The following SLC26A7 variants were observed in gnomAD, a reference collection of about 807,000 sequenced individuals.
SLC26A7 encodes solute carrier family 26 member 7, also known as anion exchange transporter.
SLC26A7 carries 59 observed loss-of-function variants against 82.5 expected under a neutral mutation model. The observed-to-expected ratio is 0.72, with a 90% CI of 0.58 to 0.89. The LOEUF (loss-of-function observed/expected upper bound fraction) is 0.89. Among genes scored for constraint, SLC26A7 ranks in the 40% least tolerant of loss-of-function variants. The pLI is 0.00. For synonymous variants in SLC26A7, 271 were observed against 274.3 expected, an observed-to-expected ratio of 0.99 and a Z score of 0.12; for missense variants, 820 against 793.0, an observed-to-expected ratio of 1.03 and a Z score of -0.41.
intron 3 of SLC26A7, among the ~76,000 whole-genome samples, chr8:91,293,860 C>T (rs961565267): frequency 6.6e-5 from 10 of 152,254 alleles, no homozygotes; most frequent in South Asian, 2.1e-4. Context: ...TTTGATCTCC[C>T]GAGCATCGTG....
At chr8:91,294,605 A>C (rs1811967021) in intron 3 of SLC26A7, among the ~76,000 whole-genome samples, 1 of 152,120 alleles carries the variant, frequency 6.6e-6, no homozygotes, top group Admixed American at 6.6e-5. Context: ...AATGAGAGCA[A>C]ATGTTTGCAC....
intron 4 of SLC26A7, among the ~76,000 whole-genome samples, chr8:91,313,857 C>G (rs962282499): frequency 6.6e-6 from 1 of 152,176 alleles, no homozygotes; most frequent in Non-Finnish European, 1.5e-5. Context: ...ACCTAAAATA[C>G]ATTCTATATT....
rs1808597128 is a variant in SLC26A7, at chr8:91,397,271, G to A, written c.*2174G>A. On this transcript the variant is annotated 3_prime_UTR_variant, in exon 19 of 19. Coordinates refer to ENST00000276609, the MANE Select transcript of SLC26A7 (RefSeq NM_052832.4). ...ACTGTTAACCTGGAGGAAGTCTCTG[G>A]TATGGAGTTCTGAGAGCTTAAGAGC... 6.6e-6 allele frequency: 1 copy of A among 152,024 alleles called. No homozygotes were observed. The highest frequency in any genetic ancestry group is 1.5e-5 in the Non-Finnish European group (1 of 67,926). 9.4% of individuals were successfully genotyped at this position (152,024 alleles called of 1,614,324 possible).
intron 2 of SLC26A7, among the ~76,000 whole-genome samples, chr8:91,222,562 A>T (rs973967637): frequency 6.6e-6 from 1 of 152,212 alleles, no homozygotes; most frequent in Non-Finnish European, 1.5e-5. Flanking sequence ...AATTTTTAAC[A>T]TGAAGGATAT....
chr8:91,337,526 G>A (rs934203596), intron 6 of SLC26A7, among the ~76,000 whole-genome samples: 1 of 152,130 alleles, frequency 6.6e-6, no homozygotes, highest in African/African-American at 2.4e-5. Context: ...CAGGGAACAT[G>A]TAACCTTGCT....
intron 2 of SLC26A7, among the ~76,000 whole-genome samples, chr8:91,240,614 T>A (rs1435129909): frequency 6.6e-6 from 1 of 152,168 alleles, no homozygotes; most frequent in African/African-American, 2.4e-5. Flanking sequence ...GGCATTCAAT[T>A]TGACTTCCTG....
At chr8:91,317,621 A>T (rs1393085707) in intron 4 of SLC26A7, among the ~76,000 whole-genome samples, 1 of 152,192 alleles carries the variant, frequency 6.6e-6, no homozygotes, top group African/African-American at 2.4e-5. Context: ...GTATGTTCCC[A>T]TTTCTCAGAA....
chr8:91,297,189 T>C (rs1197519361), intron 4 of SLC26A7, among the ~76,000 whole-genome samples: 1 of 152,106 alleles, frequency 6.6e-6, no homozygotes, highest in Non-Finnish European at 1.5e-5. Context: ...TAGTTTTAGG[T>C]TGTTTAATAG....
intron 11 of SLC26A7, among the ~76,000 whole-genome samples, chr8:91,360,968 CTG>C (rs2130868249): frequency 6.6e-6 from 1 of 152,212 alleles, no homozygotes; most frequent in East Asian, 1.9e-4. Context: ...AAATGACTGA[CTG>C]TGTGTTCACC....
intron 1 of SLC26A7, among the ~76,000 whole-genome samples, chr8:91,211,277 T>G (rs77935193): frequency 0.031 from 4,673 of 152,102 alleles, 200 homozygotes; most frequent in East Asian, 0.21. Context: ...TAATATCTAG[T>G]AAGTATATGA....
chr8:91,275,092 G>A (rs1811372427), intron 2 of SLC26A7, among the ~76,000 whole-genome samples: 1 of 151,730 alleles, frequency 6.6e-6, no homozygotes, highest in Non-Finnish European at 1.5e-5. Context: ...CATCTATCTG[G>A]TTAAAAAACA....
At chr8:91,303,535 TC>T (rs972296027) in intron 4 of SLC26A7, among the ~76,000 whole-genome samples, 2 of 152,228 alleles carry the variant, frequency 1.3e-5, no homozygotes, top group African/African-American at 4.8e-5. Context: ...GGTTTGAGTA[TC>T]TTTTAGTTAA....
At chr8:91,279,157 ATATATATATG>A (rs1252635916) in intron 2 of SLC26A7, among the ~76,000 whole-genome samples, 66 of 114,936 alleles carry the variant, frequency 5.7e-4, no homozygotes, top group African/African-American at 2.1e-3. Context: ...ATATATATAT[ATATATATATG>A]TATCACATTT....
intron 11 of SLC26A7, among the ~76,000 whole-genome samples, chr8:91,355,398 TTTTG>T (rs1253053279): frequency 6.6e-6 from 1 of 152,128 alleles, no homozygotes; most frequent in Non-Finnish European, 1.5e-5. Flanking sequence ...TCTCAGTGAA[TTTTG>T]TTTGTTTTTA....
chr8:91,220,427 G>T (rs1023286933), intron 2 of SLC26A7, among the ~76,000 whole-genome samples: 16 of 151,488 alleles, frequency 1.1e-4, no homozygotes, highest in African/African-American at 3.6e-4. Context: ...GACCATGCAG[G>T]TTTGTTACAT....
intron 15 of SLC26A7, among the ~76,000 whole-genome samples, chr8:91,373,464 G>A (rs964483257): frequency 2.6e-5 from 4 of 151,934 alleles, no homozygotes; most frequent in African/African-American, 4.8e-5. Context: ...TATTTTTTCT[G>A]AATTTATTAA....
At chr8:91,361,690 G>T (rs1814053516) in intron 11 of SLC26A7, among the ~76,000 whole-genome samples, 2 of 152,210 alleles carry the variant, frequency 1.3e-5, no homozygotes, top group Non-Finnish European at 2.9e-5. Flanking sequence ...GAACAAAACT[G>T]CAATAACTTT....
In SLC26A7 at chr8:91,393,841, C is replaced by T. The variant is rs146119989; in HGVS notation, c.1821C>T (p.Ala607=). The change falls in exon 17 of 19, where the codon GCC becomes GCT. Residue 607 remains alanine (A), a synonymous_variant. Coordinates refer to ENST00000276609, the MANE Select transcript of SLC26A7 (RefSeq NM_052832.4). ...CKGRSVDVLL[A]HCTASLIKAM... Reference sequence around the variant, plus strand: ...GCAGGAGTGTGGATGTATTGTTAGCCCATTGTACAGGTAAGAGAATGTCCC... The same window carrying T: ...GCAGGAGTGTGGATGTATTGTTAGCTCATTGTACAGGTAAGAGAATGTCCC... 8.4e-5 allele frequency: 136 copies of T among 1,613,558 alleles called. No homozygotes were observed. The East Asian group carries it at 2.9e-3, about 34-fold the overall frequency.
At position 91,393,870 on chromosome 8, in the gene SLC26A7, C is replaced by T; in HGVS notation, c.1831+19C>T. ...TGTACAGGTAAGAGAATGTCCCTGA[C>T]TAACGTTGAATGTGATTTTTCTGCA... On this transcript the variant is annotated intron_variant, in intron 17 of 18. Transcript: ENST00000276609. The T allele has an allele frequency of 1.9e-6, 3 of 1,613,454 alleles. No homozygotes were observed. Among genetic ancestry groups the T allele is most frequent in the Non-Finnish European group, 2.5e-6 (3 of 1,179,478 alleles).
Sources: allele counts gnomAD v4.1 joint callset (sites outside exome capture counted in the v4.1 genomes callset), GRCh38; gene constraint gnomAD v4.1.1; transcripts MANE v1.5; gene names NCBI Gene and HGNC (gene_info 2026-07-23, HGNC 2026-07-21).